The following EPHB1 variants were observed in gnomAD, a reference collection of about 807,000 sequenced individuals.
The protein encoded by EPHB1 is EPH receptor B1, also known as ephrin type-B receptor 1.
In EPHB1, 30 loss-of-function variants were observed where a neutral mutation model predicts 94.4. The ratio of observed to expected loss-of-function variants is 0.32; its 90% confidence interval spans 0.24 to 0.43. EPHB1 has a LOEUF of 0.43. EPHB1 is among the 20% of genes least tolerant of loss of function. The pLI is 1.00. For synonymous variants in EPHB1, 522 were observed against 489.1 expected (o/e 1.07, Z -0.89); for missense variants, 1,055 against 1,308.3 (o/e 0.81, Z 2.99).
chr3:135,142,747 G>T (rs1241011710), intron 5 of EPHB1, among the ~76,000 whole-genome samples: 1 of 152,166 alleles, frequency 6.6e-6, no homozygotes, highest in African/African-American at 2.4e-5. Flanking sequence ...AGGGAACCGA[G>T]ATTATATTGT....
At chr3:135,089,997 C>G (rs1387140434) in intron 3 of EPHB1, among the ~76,000 whole-genome samples, 1 of 152,206 alleles carries the variant, frequency 6.6e-6, no homozygotes, top group Non-Finnish European at 1.5e-5. Context: ...ACTGACAAAC[C>G]TGAAGGCAGT....
At chr3:135,039,539 A>G (rs1936763414) in intron 3 of EPHB1, among the ~76,000 whole-genome samples, 1 of 152,212 alleles carries the variant, frequency 6.6e-6, no homozygotes, top group Non-Finnish European at 1.5e-5. Context: ...TGGGAGGCTC[A>G]GGCATGGTGG....
At chr3:135,148,164 GA>G (rs1054302577) in intron 5 of EPHB1, among the ~76,000 whole-genome samples, 1 of 152,050 alleles carries the variant, frequency 6.6e-6, no homozygotes, top group African/African-American at 2.4e-5. Flanking sequence ...AATTGTCCTA[GA>G]AAAAAAGCAT....
At chr3:134,804,611 C>T (rs1578098647) in intron 1 of EPHB1, among the ~76,000 whole-genome samples, 1 of 152,304 alleles carries the variant, frequency 6.6e-6, no homozygotes, top group South Asian at 2.1e-4. Context: ...CCTTCATAGG[C>T]TCACCTTCCA....
intron 1 of EPHB1, among the ~76,000 whole-genome samples, chr3:134,900,149 T>C (rs1342696041): frequency 6.6e-6 from 1 of 152,142 alleles, no homozygotes; most frequent in Non-Finnish European, 1.5e-5. Context: ...AGGGCCTGTC[T>C]CATAGGCTGC....
chr3:134,935,280 A>G (rs2038979882), intron 2 of EPHB1, among the ~76,000 whole-genome samples: 2 of 152,188 alleles, frequency 1.3e-5, no homozygotes, highest in Admixed American at 6.5e-5. Flanking sequence ...GAGAGTGAGG[A>G]TAAGACGAAC....
intron 1 of EPHB1, among the ~76,000 whole-genome samples, chr3:134,920,087 G>A (rs1045209448): frequency 2.0e-5 from 3 of 152,042 alleles, no homozygotes; most frequent in African/African-American, 7.3e-5. Context: ...CATGGTTATT[G>A]GAAAAATTTC....
At chr3:134,828,108 C>A (rs1163091617) in intron 1 of EPHB1, among the ~76,000 whole-genome samples, 1 of 152,174 alleles carries the variant, frequency 6.6e-6, no homozygotes, top group Non-Finnish European at 1.5e-5. Flanking sequence ...GCTATGGACT[C>A]CTGCCTTCTC....
intron 3 of EPHB1, among the ~76,000 whole-genome samples, chr3:134,986,448 G>T (rs1251516453): frequency 3.3e-5 from 5 of 152,152 alleles, no homozygotes; most frequent in Admixed American, 3.3e-4. Context: ...GCGTGGCATG[G>T]ACCATCCCAG....
At chr3:134,978,404 C>T (rs1934274475) in intron 3 of EPHB1, among the ~76,000 whole-genome samples, 1 of 152,124 alleles carries the variant, frequency 6.6e-6, no homozygotes, top group Admixed American at 6.5e-5. Context: ...GTCTGAAAAC[C>T]CTGCCTTAGC....
chr3:135,157,594 G>A (rs1941390908), intron 6 of EPHB1, among the ~76,000 whole-genome samples: 1 of 152,218 alleles, frequency 6.6e-6, no homozygotes, highest in Non-Finnish European at 1.5e-5. Context: ...CCACTCCAGA[G>A]GAGAGAATGC....
chr3:134,889,240 G>T (rs755916586), intron 1 of EPHB1, among the ~76,000 whole-genome samples: 17 of 152,194 alleles, frequency 1.1e-4, no homozygotes, highest in Non-Finnish European at 1.8e-4. Context: ...AGCTTGGTGA[G>T]ATGGTGGCCT....
At chr3:135,153,403 G>C (rs997752686) in intron 5 of EPHB1, among the ~76,000 whole-genome samples, 1 of 151,984 alleles carries the variant, frequency 6.6e-6, no homozygotes, top group African/African-American at 2.4e-5. Context: ...ATGTTGAATT[G>C]GGAAATAAAT....
In EPHB1 at chr3:134,824,769, A is replaced by G. The variant is rs545403697; in HGVS notation, c.58+29080A>G. Reference sequence around the variant, plus strand: ...GGAACCTAGTCGCTGTGTTGTTAAGATGCATGGAGAGGCCATGTATGGGTA... The same window carrying G: ...GGAACCTAGTCGCTGTGTTGTTAAGGTGCATGGAGAGGCCATGTATGGGTA... On this transcript the variant is annotated intron_variant, in intron 1 of 15. Coordinates refer to ENST00000398015, the MANE Select transcript of EPHB1 (RefSeq NM_004441.5). Among the ~76,000 whole-genome samples, 19 of 152,290 alleles carry G rather than the reference A, an allele frequency of 1.2e-4. No individual in the cohort carries two copies. The South Asian group carries it at 3.1e-3, about 25-fold the overall frequency.
At chr3:135,022,202 C>A (rs934220457) in intron 3 of EPHB1, among the ~76,000 whole-genome samples, 2 of 152,110 alleles carry the variant, frequency 1.3e-5, no homozygotes, top group Non-Finnish European at 2.9e-5. Context: ...GATCTCCTGA[C>A]CTTGTGATCC....
chr3:135,158,896 G>C (rs1316686513), intron 6 of EPHB1, among the ~76,000 whole-genome samples: 1 of 152,160 alleles, frequency 6.6e-6, no homozygotes, highest in Non-Finnish European at 1.5e-5. Flanking sequence ...GCTGGTTTAG[G>C]CCTTGGTAAT....
intron 3 of EPHB1, among the ~76,000 whole-genome samples, chr3:135,091,408 G>T (rs1351329309): frequency 6.6e-6 from 1 of 152,186 alleles, no homozygotes; most frequent in Non-Finnish European, 1.5e-5. Context: ...TCAATCACAG[G>T]TAGTTTGTGC....
chr3:134,934,428 C>T (rs1421383820), intron 2 of EPHB1, among the ~76,000 whole-genome samples: 2 of 152,080 alleles, frequency 1.3e-5, no homozygotes, highest in Non-Finnish European at 2.9e-5. Context: ...GACTCCAGGG[C>T]CGTGCGTGGG....
chr3:134,938,470 G>T (rs891192698), intron 2 of EPHB1, among the ~76,000 whole-genome samples: 2 of 152,188 alleles, frequency 1.3e-5, no homozygotes, highest in African/African-American at 4.8e-5. Context: ...CGCTCACAGG[G>T]CCTTCCGATG....
Sources: gnomAD v4.1 joint callset for allele counts (sites outside exome capture counted in the v4.1 genomes callset) on GRCh38, gnomAD v4.1.1 for gene constraint, MANE v1.5 for transcripts, NCBI Gene and HGNC (gene_info 2026-07-23, HGNC 2026-07-21) for gene names.